Variants in PTPRD observed in about 807,000 individuals in gnomAD.
The protein encoded by PTPRD is receptor-type tyrosine-protein phosphatase delta.
Under a neutral mutation model 214.5 loss-of-function variants are expected in PTPRD, and 34 were observed. The ratio of observed to expected loss-of-function variants is 0.16; its 90% CI spans 0.12 to 0.21. The LOEUF (loss-of-function observed/expected upper bound fraction) is 0.21, where lower values mean the gene tolerates loss of function less well. Among genes scored for constraint, PTPRD ranks in the 10% least tolerant of loss-of-function variants. The pLI is 1.00. For missense variants in PTPRD, 2,545 were observed against 2,398.7 expected, an observed-to-expected ratio of 1.06 and a Z score of -1.27; for synonymous variants, 1,128 against 845.7, an observed-to-expected ratio of 1.33 and a Z score of -5.79.
At chr9:10,413,653 C>A (rs1336434334) in intron 2 of PTPRD, among the ~76,000 whole-genome samples, 3 of 151,906 alleles carry the variant, frequency 2.0e-5, no homozygotes, top group Non-Finnish European at 4.4e-5. Flanking sequence ...ATAGCGAAGG[C>A]AATCTCGAGC....
intron 11 of PTPRD, among the ~76,000 whole-genome samples, chr9:8,952,592 G>A (rs2099108638): frequency 6.6e-6 from 1 of 151,924 alleles, no homozygotes; most frequent in African/African-American, 2.4e-5. Flanking sequence ...AAATGGTAAA[G>A]ATGGAGATTC....
At chr9:9,496,425 T>G (rs1046372154) in intron 8 of PTPRD, among the ~76,000 whole-genome samples, 5 of 151,968 alleles carry the variant, frequency 3.3e-5, no homozygotes, top group Admixed American at 6.6e-5. Context: ...GAAATAGACA[T>G]TTCTCCAACT....
intron 30 of PTPRD, among the ~76,000 whole-genome samples, chr9:8,475,534 A>G (rs947792735): frequency 6.6e-6 from 1 of 152,090 alleles, no homozygotes; most frequent in Non-Finnish European, 1.5e-5. Flanking sequence ...CCAGACTCAT[A>G]TCTTTAGCCA....
chr9:9,086,994 A>G (rs1350754909), intron 10 of PTPRD, among the ~76,000 whole-genome samples: 1 of 152,200 alleles, frequency 6.6e-6, no homozygotes, highest in Non-Finnish European at 1.5e-5. Flanking sequence ...CTGAAGTGAT[A>G]TACAGAGTGA....
intron 3 of PTPRD, among the ~76,000 whole-genome samples, chr9:10,093,223 A>G (rs905306143): frequency 9.9e-5 from 15 of 151,728 alleles, no homozygotes; most frequent in Admixed American, 3.3e-4. Context: ...TAAAATCTGG[A>G]ATCTACAAGA....
At chr9:10,560,637 G>A (rs2063720472) in intron 2 of PTPRD, among the ~76,000 whole-genome samples, 1 of 151,364 alleles carries the variant, frequency 6.6e-6, no homozygotes, top group Non-Finnish European at 1.5e-5. Context: ...GTAAGAATAA[G>A]AGAATCTACA....
chr9:9,598,187 G>A (rs1381796176), intron 7 of PTPRD, among the ~76,000 whole-genome samples: 1 of 151,980 alleles, frequency 6.6e-6, no homozygotes. Flanking sequence ...AAGAATAAGA[G>A]TAAAGGGGTT....
chr9:9,000,601 C>G (rs190951151), intron 11 of PTPRD, among the ~76,000 whole-genome samples: 1 of 151,884 alleles, frequency 6.6e-6, no homozygotes, highest in Non-Finnish European at 1.5e-5. Context: ...TTTTTAATGA[C>G]CCCCATTGCC....
At chr9:10,081,784 G>C (rs951200801) in intron 3 of PTPRD, among the ~76,000 whole-genome samples, 1 of 152,012 alleles carries the variant, frequency 6.6e-6, no homozygotes, top group African/African-American at 2.4e-5. Flanking sequence ...AATAGATGGA[G>C]TTTCTAAATC....
At chr9:9,037,318 T>C (rs779431811) in intron 10 of PTPRD, among the ~76,000 whole-genome samples, 18 of 152,138 alleles carry the variant, frequency 1.2e-4, no homozygotes, top group Non-Finnish European at 2.4e-4. Context: ...TATATGTCAC[T>C]TTAATCCTAT....
intron 8 of PTPRD, among the ~76,000 whole-genome samples, chr9:9,489,020 C>G (rs933781924): frequency 1.3e-5 from 2 of 152,174 alleles, no homozygotes; most frequent in Non-Finnish European, 2.9e-5. Context: ...AAGGCCCTCA[C>G]TCTTGGCCTA....
intron 3 of PTPRD, among the ~76,000 whole-genome samples, chr9:10,070,824 C>G (rs976388237): frequency 6.6e-6 from 1 of 151,804 alleles, no homozygotes; most frequent in Non-Finnish European, 1.5e-5. Flanking sequence ...AATTTCTAAG[C>G]TATTCTATCA....
chr9:9,472,038 G>A (rs1589287001), intron 8 of PTPRD, among the ~76,000 whole-genome samples: 1 of 151,956 alleles, frequency 6.6e-6, no homozygotes, highest in South Asian at 2.1e-4. Flanking sequence ...AATATTTTAA[G>A]TGTCTAAGTG....
chr9:8,412,975 G>T (rs2093642292), intron 35 of PTPRD, among the ~76,000 whole-genome samples: 1 of 152,118 alleles, frequency 6.6e-6, no homozygotes, highest in Non-Finnish European at 1.5e-5. Context: ...GAATAGCTTG[G>T]TTTCACAATT....
chr9:9,109,562 G>A (rs73641218), intron 10 of PTPRD, among the ~76,000 whole-genome samples: 6,209 of 152,136 alleles, frequency 0.041, 214 homozygotes, highest in African/African-American at 0.095. Context: ...CAATATAATT[G>A]TTAATACTAA....
In PTPRD at chr9:10,363,991, G is replaced by GTTTTTTTGTTTTTTTTTTT. The variant is rs1485501417; in HGVS notation, c.-599-22975_-599-22974insAAAAAAAAAAACAAAAAAA. On this transcript the variant is annotated intron_variant, in intron 2 of 45. Coordinates refer to ENST00000381196, the MANE Select transcript of PTPRD (RefSeq NM_002839.4). Reference sequence around the variant, plus strand: ...ATTATTATTGCCTCCACATTTTCGGGTTTTTTTTTTTTTTTTTTTTTTTTT... The same window carrying GTTTTTTTGTTTTTTTTTTT: ...ATTATTATTGCCTCCACATTTTCGGGTTTTTTTGTTTTTTTTTTTTTTTTTTTTTTTTTTTTTTTTTTTT... Among the ~76,000 whole-genome samples, 98 of 35,120 alleles carry GTTTTTTTGTTTTTTTTTTT rather than the reference G, an allele frequency of 2.8e-3. 15 individuals are homozygous for GTTTTTTTGTTTTTTTTTTT. The highest frequency in any genetic ancestry group is 8.4e-3 in the East Asian group (15 of 1,790). 23.0% of individuals were successfully genotyped at this position (35,120 alleles called of 152,430 possible).
chr9:9,330,834 A>G (rs1452439507), intron 9 of PTPRD, among the ~76,000 whole-genome samples: 1 of 151,992 alleles, frequency 6.6e-6, no homozygotes, highest in South Asian at 2.1e-4. Context: ...GAAGAAAGAG[A>G]CATGGGATAT....
At chr9:9,078,688 A>C (rs1322562404) in intron 10 of PTPRD, among the ~76,000 whole-genome samples, 1 of 152,038 alleles carries the variant, frequency 6.6e-6, no homozygotes, top group Non-Finnish European at 1.5e-5. Flanking sequence ...CAGCTGCAGG[A>C]AAGTATGGAT....
chr9:10,462,540 T>C (rs1157954329), intron 2 of PTPRD, among the ~76,000 whole-genome samples: 2 of 151,980 alleles, frequency 1.3e-5, no homozygotes, highest in Non-Finnish European at 2.9e-5. Flanking sequence ...GGGCACATAA[T>C]GTAAGATATA....
Sources: allele counts gnomAD v4.1 joint callset (sites outside exome capture counted in the v4.1 genomes callset), GRCh38; gene constraint gnomAD v4.1.1; transcripts MANE v1.5; gene names NCBI Gene and HGNC (gene_info 2026-07-23, HGNC 2026-07-21).